Variants in GNB1 observed in about 807,000 individuals in gnomAD.
GNB1 encodes the protein G protein subunit beta 1.
Under a neutral mutation model 42.9 loss-of-function variants are expected in GNB1, and 2 were observed. The ratio of observed to expected loss-of-function variants is 0.05; its 90% CI spans 0.02 to 0.15. The LOEUF is 0.15. GNB1 is among the 10% of genes least tolerant of loss of function. The pLI is 1.00. For missense variants in GNB1, 193 were observed against 462.2 expected (o/e 0.42, Z 5.34); for synonymous variants, 183 against 174.7 (o/e 1.05, Z -0.38).
chr1:1,815,778 T>G lies in GNB1; in HGVS notation c.181A>C (p.Met61Leu), dbSNP rs1414850661. 1 of 1,596,924 alleles carries G rather than the reference T, an allele frequency of 6.3e-7. No individual in the cohort carries two copies. The highest frequency in any genetic ancestry group is 8.6e-7 in the Non-Finnish European group (1 of 1,164,248). ...TACCTGGAGTCTGTGCCCCAGTGCA[T>G]GGCGTAGATCTTGGCCAGGTGCCCC... Reference protein sequence around the residue: ...LRGHLAKIYAMHWGTDSRLLV... With the variant: ...LRGHLAKIYALHWGTDSRLLV... Residue 61 changes from methionine (M) to leucine (L), a missense_variant, in exon 5 of 12, where the codon ATG becomes CTG. This residue lies in a region of GNB1 where 150 missense variants were observed against 410.8 expected (regional missense o/e 0.37). Coordinates refer to ENST00000378609, the MANE Select transcript of GNB1 (RefSeq NM_002074.5).
At chr1:1,810,300 C>T (rs1205402906) in intron 5 of GNB1, among the ~76,000 whole-genome samples, 1 of 151,270 alleles carries the variant, frequency 6.6e-6, no homozygotes, top group Non-Finnish European at 1.5e-5. Flanking sequence ...CTCCTGACCT[C>T]GTGATCCGCC....
At chr1:1,827,080 C>T (rs1647009047) in intron 2 of GNB1, among the ~76,000 whole-genome samples, 2 of 152,166 alleles carry the variant, frequency 1.3e-5, no homozygotes, top group South Asian at 4.1e-4. Context: ...AAGGCTAATA[C>T]AATATACATC....
At chr1:1,829,726 A>G (rs1647050019) in intron 2 of GNB1, among the ~76,000 whole-genome samples, 1 of 152,068 alleles carries the variant, frequency 6.6e-6, no homozygotes, top group South Asian at 2.1e-4. Context: ...CGCCAATGCC[A>G]GGGCAAGCCA....
chr1:1,815,286 A>G (rs1468388358), intron 5 of GNB1, among the ~76,000 whole-genome samples: 1 of 152,150 alleles, frequency 6.6e-6, no homozygotes, highest in Non-Finnish European at 1.5e-5. Flanking sequence ...ACACAGCACA[A>G]TGCTGTTCTA....
chr1:1,817,513 G>A (rs1003671738), intron 4 of GNB1, among the ~76,000 whole-genome samples: 2 of 152,144 alleles, frequency 1.3e-5, no homozygotes, highest in African/African-American at 4.8e-5. Flanking sequence ...TTATCAAATT[G>A]GATATTAGAA....
intron 1 of GNB1, among the ~76,000 whole-genome samples, chr1:1,858,961 C>T (rs1478939865): frequency 1.3e-5 from 2 of 151,950 alleles, no homozygotes; most frequent in Non-Finnish European, 2.9e-5. Context: ...CTGTACAACC[C>T]ATTAGTAATT....
intron 1 of GNB1, among the ~76,000 whole-genome samples, chr1:1,860,265 T>C (rs369757343): frequency 2.0e-4 from 31 of 151,850 alleles, no homozygotes; most frequent in African/African-American, 7.2e-4. Context: ...AAATAGACAA[T>C]GGGGACTATT....
chr1:1,841,474 C>T (rs892695240), intron 1 of GNB1, among the ~76,000 whole-genome samples: 4 of 152,228 alleles, frequency 2.6e-5, no homozygotes, highest in Non-Finnish European at 5.9e-5. Flanking sequence ...GCCACTGAGC[C>T]TGGCCTGATT....
At chr1:1,822,222 T>G (rs972152185) in intron 3 of GNB1, among the ~76,000 whole-genome samples, 2 of 152,128 alleles carry the variant, frequency 1.3e-5, no homozygotes, top group Non-Finnish European at 2.9e-5. Flanking sequence ...TTTGGGCTCA[T>G]GCAATCCTCC....
chr1:1,787,589 TG>T lies in GNB1; in HGVS notation c.917-153del, dbSNP rs1264602777. On this transcript the variant is annotated intron_variant, in intron 10 of 11. Transcript: ENST00000378609. The surrounding 1 kb of genome is among the most constrained non-coding windows in gnomAD (Gnocchi z 4.4). ...GAAGGGAGGGAAAGTTGCATCCACG[TG>T]GGGAATTAACCTGCAGCATATGGCC... 6.1e-5 allele frequency: 34 copies of T among 561,468 alleles called. 1 individual carries two copies. Among genetic ancestry groups the T allele is most frequent in the Non-Finnish European group, 1.0e-4 (33 of 316,016 alleles). 34.8% of individuals were successfully genotyped at this position (561,468 alleles called of 1,614,324 possible).
At chr1:1,854,627 C>T (rs1034639589) in intron 1 of GNB1, among the ~76,000 whole-genome samples, 2 of 152,206 alleles carry the variant, frequency 1.3e-5, no homozygotes, top group African/African-American at 4.8e-5. Context: ...AGTTTTTAAG[C>T]TGGGCGCATT....
At chr1:1,800,015 A>G (rs1646602874) in intron 7 of GNB1, among the ~76,000 whole-genome samples, 2 of 152,364 alleles carry the variant, frequency 1.3e-5, no homozygotes, top group Middle Eastern at 6.8e-3. Context: ...GCTGCCACAC[A>G]AGAAAGACAG....
intron 6 of GNB1, 107 bp downstream of exon 6, chr1:1,806,368 T>G (rs1646695033): frequency 1.5e-6 from 1 of 676,296 alleles, no homozygotes; most frequent in African/African-American, 1.8e-5. Flanking sequence ...AGCTTGCCGC[T>G]GCTGCCTTCC....
chr1:1,865,278 A>AC (rs1553204388), intron 1 of GNB1, among the ~76,000 whole-genome samples: 35 of 127,410 alleles, frequency 2.7e-4, no homozygotes, highest in East Asian at 1.1e-3. Flanking sequence ...CAAAAAAAAA[A>AC]CAAAAAAAAA....
intron 2 of GNB1, among the ~76,000 whole-genome samples, chr1:1,835,956 A>T (rs940383100): frequency 7.0e-6 from 1 of 143,700 alleles, no homozygotes; most frequent in Non-Finnish European, 1.5e-5. Flanking sequence ...CAGACATGGT[A>T]GTGCGTGCCT....
At chr1:1,809,210 TTGAGA>T (rs1211666004) in intron 5 of GNB1, among the ~76,000 whole-genome samples, 6 of 150,110 alleles carry the variant, frequency 4.0e-5, no homozygotes, top group Admixed American at 3.3e-4. Context: ...TTTTTTTTTT[TTGAGA>T]GAGAGTCTCA....
intron 1 of GNB1, among the ~76,000 whole-genome samples, chr1:1,866,007 T>C (rs755509493): frequency 2.0e-4 from 30 of 152,222 alleles, no homozygotes; most frequent in Non-Finnish European, 2.8e-4. Flanking sequence ...GGCGCAACGT[T>C]GGCTCACTGC....
At chr1:1,860,466 A>G (rs1007406632) in intron 1 of GNB1, among the ~76,000 whole-genome samples, 1 of 151,984 alleles carries the variant, frequency 6.6e-6, no homozygotes, top group Non-Finnish European at 1.5e-5. Flanking sequence ...TAAATAAATA[A>G]AAACAAACAA....
intron 4 of GNB1, 199 bp downstream of exon 4, chr1:1,817,638 G>A (rs1646875073): frequency 4.2e-6 from 2 of 478,610 alleles, no homozygotes; most frequent in Non-Finnish European, 7.7e-6. Flanking sequence ...TTCAAGGCTT[G>A]AGATATCTCA....
Sources: gnomAD v4.1 joint callset for allele counts (sites outside exome capture counted in the v4.1 genomes callset) on GRCh38, gnomAD v4.1.1 for gene constraint, gnomAD v4.1.1 regional missense constraint, Gnocchi (gnomAD v3.1) non-coding constraint, MANE v1.5 for transcripts, NCBI Gene and HGNC (gene_info 2026-07-23, HGNC 2026-07-21) for gene names.